The following MAML2 variants were observed in gnomAD, a reference collection of about 807,000 sequenced individuals.
MAML2 encodes mastermind-like protein 2.
In MAML2, 22 loss-of-function variants were observed where a neutral mutation model predicts 96.1. The observed-to-expected ratio is 0.23, with a 90% CI of 0.16 to 0.33. The LOEUF (loss-of-function observed/expected upper bound fraction) is 0.33. Among genes scored for constraint, MAML2 ranks in the 10% least tolerant of loss-of-function variants. MAML2 has a pLI of 1.00. For synonymous variants in MAML2, 561 were observed against 521.3 expected, an observed-to-expected ratio of 1.08 and a Z score of -1.04; for missense variants, 1,367 against 1,392.4, an observed-to-expected ratio of 0.98 and a Z score of 0.29.
intron 2 of MAML2, among the ~76,000 whole-genome samples, chr11:96,002,576 AGAT>A (rs1479579547): frequency 6.8e-6 from 1 of 147,752 alleles, no homozygotes; most frequent in Admixed American, 6.7e-5. Flanking sequence ...GGGATGATGA[AGAT>A]GATGACAGGG....
chr11:95,980,205 A>G (rs940970909), intron 4 of MAML2, among the ~76,000 whole-genome samples: 3 of 152,200 alleles, frequency 2.0e-5, no homozygotes, highest in Non-Finnish European at 4.4e-5. Context: ...GAATAGTTCT[A>G]TCTTGTAGGT....
intron 1 of MAML2, among the ~76,000 whole-genome samples, chr11:96,317,220 C>T (rs2097100777): frequency 6.6e-6 from 1 of 152,190 alleles, no homozygotes; most frequent in African/African-American, 2.4e-5. Flanking sequence ...CAAATCTATA[C>T]ATTGGTGCCT....
intron 1 of MAML2, among the ~76,000 whole-genome samples, chr11:96,099,126 C>T (rs1280115160): frequency 6.6e-6 from 1 of 152,136 alleles, no homozygotes; most frequent in East Asian, 1.9e-4. Flanking sequence ...CCAAATCTGC[C>T]ACTGCCTACA....
chr11:96,103,714 G>A (rs537288383), intron 1 of MAML2, among the ~76,000 whole-genome samples: 3 of 152,026 alleles, frequency 2.0e-5, no homozygotes, highest in African/African-American at 7.3e-5. Context: ...TTCTTCTTCA[G>A]GCTCCTTCTG....
intron 1 of MAML2, among the ~76,000 whole-genome samples, chr11:96,163,194 C>G (rs1488091033): frequency 6.6e-6 from 1 of 152,130 alleles, no homozygotes; most frequent in African/African-American, 2.4e-5. Context: ...TTTAAGTATA[C>G]ACTTCCCTCC....
chr11:96,167,926 C>A lies in MAML2; in HGVS notation c.514-74409G>T, dbSNP rs150782058. On this transcript the variant is annotated intron_variant, in intron 1 of 4. Transcript: ENST00000524717. The stretch of plus-strand genomic sequence containing the variant: ...ATACATTATCATAGCAATTAACAAG[C>A]ATATGTAATGACCTATGTATATGTC... Among the ~76,000 whole-genome samples the A allele has an allele frequency of 1.6e-4, 24 of 152,316 alleles. No homozygotes were observed. The East Asian group carries it at 4.6e-3, about 29-fold the overall frequency.
intron 1 of MAML2, among the ~76,000 whole-genome samples, chr11:96,098,142 G>C (rs1272744639): frequency 6.6e-6 from 1 of 152,198 alleles, no homozygotes; most frequent in Non-Finnish European, 1.5e-5. Context: ...CAGGGGGTTG[G>C]ATGGCAAGGA....
intron 1 of MAML2, among the ~76,000 whole-genome samples, chr11:96,159,070 T>G (rs745817871): frequency 3.3e-5 from 5 of 152,194 alleles, no homozygotes; most frequent in Non-Finnish European, 7.3e-5. Context: ...GAAGTTAATA[T>G]GATTTTCATA....
At chr11:96,084,878 C>T (rs534719649) in intron 2 of MAML2, among the ~76,000 whole-genome samples, 30 of 152,130 alleles carry the variant, frequency 2.0e-4, no homozygotes, top group African/African-American at 3.1e-4. Flanking sequence ...CTTAAGAGCC[C>T]GTGAAAAGCA....
intron 1 of MAML2, among the ~76,000 whole-genome samples, chr11:96,135,065 C>A (rs981333212): frequency 3.3e-4 from 51 of 152,330 alleles, no homozygotes; most frequent in African/African-American, 1.2e-3. Context: ...AACTTAATCC[C>A]CAAAGCAAGT....
chr11:96,240,545 G>C (rs1352513602), intron 1 of MAML2, among the ~76,000 whole-genome samples: 1 of 58,622 alleles, frequency 1.7e-5, no homozygotes, highest in Non-Finnish European at 3.3e-5. Flanking sequence ...GCGACAGAGC[G>C]AGACTCCGTC....
At chr11:96,220,259 T>C (rs1862115146) in intron 1 of MAML2, among the ~76,000 whole-genome samples, 1 of 152,072 alleles carries the variant, frequency 6.6e-6, no homozygotes, top group East Asian at 1.9e-4. Flanking sequence ...AGGGTACAGA[T>C]TTCATTCTCT....
At chr11:96,022,979 A>C (rs1858458688) in intron 2 of MAML2, among the ~76,000 whole-genome samples, 1 of 152,244 alleles carries the variant, frequency 6.6e-6, no homozygotes, top group South Asian at 2.1e-4. Flanking sequence ...CATTATAAAA[A>C]AATGACTGCT....
At chr11:96,281,263 G>C (rs1474419046) in intron 1 of MAML2, among the ~76,000 whole-genome samples, 1 of 152,220 alleles carries the variant, frequency 6.6e-6, no homozygotes, top group Non-Finnish European at 1.5e-5. Context: ...GGAAGAGTCA[G>C]TCAACAGAGA....
At chr11:96,107,844 G>A (rs1169237160) in intron 1 of MAML2, among the ~76,000 whole-genome samples, 2 of 152,188 alleles carry the variant, frequency 1.3e-5, no homozygotes, top group African/African-American at 4.8e-5. Flanking sequence ...CCTAGAGGTA[G>A]GGCACCCAGG....
At position 96,188,845 on chromosome 11, in the gene MAML2, T is replaced by C. The variant is rs147536354; in HGVS notation, c.514-95328A>G. Among the ~76,000 whole-genome samples, 454 of 152,152 alleles carry C rather than the reference T, an allele frequency of 3.0e-3. 3 individuals carry two copies. Among genetic ancestry groups the C allele is most frequent in the South Asian group, 0.015 (71 of 4,816 alleles). Reference sequence around the variant, plus strand: ...AAAGGAAGTGTCACAGGAAAAACTTTTGAGGCAGCATTCTATGGGGCTGGT... The same window carrying C: ...AAAGGAAGTGTCACAGGAAAAACTTCTGAGGCAGCATTCTATGGGGCTGGT... On this transcript the variant is annotated intron_variant, in intron 1 of 4. Coordinates refer to ENST00000524717, the MANE Select transcript of MAML2 (RefSeq NM_032427.4).
At chr11:96,242,490 G>A (rs1862450031) in intron 1 of MAML2, among the ~76,000 whole-genome samples, 1 of 152,162 alleles carries the variant, frequency 6.6e-6, no homozygotes, top group South Asian at 2.1e-4. Context: ...AACAGAGATG[G>A]CAGTTTTCAT....
At chr11:96,324,929 T>C (rs115649596) in intron 1 of MAML2, among the ~76,000 whole-genome samples, 2,349 of 152,276 alleles carry the variant, frequency 0.015, 72 homozygotes, top group African/African-American at 0.053. Context: ...CCACAAGAAA[T>C]ACAGGTACCA....
intron 2 of MAML2, among the ~76,000 whole-genome samples, chr11:96,042,329 T>C (rs2509100): frequency 0.068 from 10,360 of 151,936 alleles, 500 homozygotes; most frequent in African/African-American, 0.14. Context: ...TCCATGTTGG[T>C]GAGGCTGGTC....
Sources: gnomAD v4.1 joint callset for allele counts (sites outside exome capture counted in the v4.1 genomes callset) on GRCh38, gnomAD v4.1.1 for gene constraint, MANE v1.5 for transcripts, NCBI Gene and HGNC (gene_info 2026-07-23, HGNC 2026-07-21) for gene names.